Variants in RAB17 observed in about 807,000 individuals in gnomAD.
RAB17 encodes the protein RAB17, member RAS oncogene family.
Under a neutral mutation model 19.3 loss-of-function variants are expected in RAB17, and 15 were observed. The observed-to-expected ratio is 0.78, with a 90% CI of 0.52 to 1.20. The LOEUF (loss-of-function observed/expected upper bound fraction) is 1.20. Among genes scored for constraint, RAB17 ranks in the 50% most tolerant of loss-of-function variants. The pLI, the probability that RAB17 is intolerant of heterozygous loss-of-function variation, is 0.00. For synonymous variants in RAB17, 110 were observed against 112.8 expected (o/e 0.97, Z 0.16); for missense variants, 262 against 269.3 (o/e 0.97, Z 0.19).
At position 237,577,273 on chromosome 2, in the gene RAB17, C is replaced by G. The variant is rs151036390; in HGVS notation, c.419G>C (p.Arg140Pro). Residue 140 changes from arginine to proline, a missense_variant, in exon 4 of 6, where the codon CGG (arginine) becomes CCG (proline). Physicochemically the swap from Arg to Pro is moderately radical, Grantham distance 103. Transcript: ENST00000264601. Reference protein sequence around the residue: ...VGNKTDLSQEREVTFQEGKEF... With the variant: ...VGNKTDLSQEPEVTFQEGKEF... Reference sequence around the variant, plus strand: ...GGGCGGTACCTGGAAGGTCACCTCCCGCTCCTGGCTGAGGTCCGTCTTGTT... The same window carrying G: ...GGGCGGTACCTGGAAGGTCACCTCCGGCTCCTGGCTGAGGTCCGTCTTGTT... 1.4e-5 allele frequency: 23 copies of G among 1,613,304 alleles called. No homozygotes were observed. Among genetic ancestry groups the G allele is most frequent in the Non-Finnish European group, 1.9e-5 (23 of 1,179,858 alleles).
At chr2:237,577,232 C>A in intron 4 of RAB17, 25 bp downstream of exon 4, 1 of 1,598,676 alleles carries the variant, frequency 6.3e-7, no homozygotes, top group Non-Finnish European at 8.5e-7. Flanking sequence ...TGTGGAAGAG[C>A]AGAGCAGGGT....
chr2:237,577,003 C>A (rs1255443138), intron 4 of RAB17, among the ~76,000 whole-genome samples: 1 of 152,108 alleles, frequency 6.6e-6, no homozygotes, highest in Non-Finnish European at 1.5e-5. Context: ...AAAAGAGAAA[C>A]TCAGGTGGAA....
At chr2:237,578,288 A>G (rs1345440350) in intron 2 of RAB17, 133 bp from the exon 3 acceptor site, 18 of 839,714 alleles carry the variant, frequency 2.1e-5, no homozygotes, top group Middle Eastern at 2.5e-4. Context: ...CCACGCCCGC[A>G]TGGCCAGGAG....
chr2:237,584,191 C>T (rs6721200), intron 2 of RAB17, among the ~76,000 whole-genome samples: 12 of 151,836 alleles, frequency 7.9e-5, no homozygotes, highest in Non-Finnish European at 1.5e-4. Flanking sequence ...ATCACCCCCC[C>T]ACCCCCACCC....
At position 237,577,361 on chromosome 2, in the gene RAB17, G is replaced by A. The variant is rs2081273688; in HGVS notation, c.331C>T (p.Gln111Ter). Residue 111 changes from glutamine to a stop codon, truncating the protein, a stop_gained, in exon 4 of 6, where the codon CAG (glutamine) becomes TAG (stop). Transcript: ENST00000264601. LOFTEE classifies it high-confidence loss of function. The stretch of plus-strand genomic sequence containing the variant: ...TCCTCCTCCAGGTCCTTCAGCCACT[G>A]CTGAGCCTTGAGGAAGGAATCCTAG... Reference protein sequence around the residue: ...TRKDSFLKAQQWLKDLEEELH... With the variant: ...TRKDSFLKAQ The A allele has an allele frequency of 6.2e-7, 1 of 1,610,122 alleles. No individual in the cohort carries two copies. The highest frequency in any genetic ancestry group is 8.5e-7 in the Non-Finnish European group (1 of 1,177,636).
chr2:237,575,673 G>A lies in RAB17; in HGVS notation c.436-193C>T, dbSNP rs921521764. The A allele has an allele frequency of 7.2e-6, 4 of 552,186 alleles. No homozygotes were observed. In the East Asian group the frequency reaches 1.2e-4, roughly 16 times the overall value. The allele number at this position is 552,186 out of a possible 1,614,324, so 34.2% of individuals were successfully genotyped here. ...AGGGAGGGGCGGGGTGTGCTCCCTG[G>A]AAGAGGCTCTTCCTCTAGCTGGCGG... On this transcript the variant is annotated intron_variant, in intron 4 of 5. Coordinates refer to ENST00000264601, the MANE Select transcript of RAB17 (RefSeq NM_022449.4).
intron 1 of RAB17, among the ~76,000 whole-genome samples, chr2:237,586,769 T>C (rs1023284083): frequency 1.3e-5 from 2 of 152,166 alleles, no homozygotes; most frequent in African/African-American, 4.8e-5. Context: ...GAAACTTTCA[T>C]GTACACACCA....
At chr2:237,586,677 G>A (rs1372567067) in intron 1 of RAB17, among the ~76,000 whole-genome samples, 1 of 152,144 alleles carries the variant, frequency 6.6e-6, no homozygotes, top group African/African-American at 2.4e-5. Flanking sequence ...TAAAGCCTCA[G>A]AACCCACAGT....
intron 2 of RAB17, among the ~76,000 whole-genome samples, chr2:237,582,127 C>A (rs775898292): frequency 1.3e-5 from 2 of 152,278 alleles, no homozygotes; most frequent in Non-Finnish European, 2.9e-5. Context: ...TCTGCTCCTG[C>A]CTGCTCTTCT....
In RAB17 at chr2:237,586,104, G is replaced by A; in HGVS notation, c.51C>T (p.Pro17=). 1 of 1,612,576 alleles carries A rather than the reference G, an allele frequency of 6.2e-7. No homozygotes were observed. The highest frequency in any genetic ancestry group is 1.7e-5 in the Admixed American group (1 of 59,860). ...TPQPRAAPSQ[P]RVFKLVLLGS... is the part of the protein sequence containing the mutation. Reference sequence around the variant, plus strand: ...CCAGGAGAACCAGCTTGAACACACGGGGCTGGCTGGGGGCAGCCCTGGGCT... The same window carrying A: ...CCAGGAGAACCAGCTTGAACACACGAGGCTGGCTGGGGGCAGCCCTGGGCT... The change falls in exon 2 of 6, where the codon CCC becomes CCT. Residue 17 remains proline, a synonymous_variant. Coordinates refer to ENST00000264601, the MANE Select transcript of RAB17 (RefSeq NM_022449.4).
rs570142051 is a variant in RAB17 at position 237,578,149 on chromosome 2, A to C, written c.164T>G (p.Phe55Cys). 1.2e-6 allele frequency: 2 copies of C among 1,609,382 alleles called. No homozygotes were observed. The highest frequency in any genetic ancestry group is 2.2e-5 in the South Asian group (2 of 90,934). Residue 55 changes from phenylalanine (F) to cysteine (C), a missense_variant, in exon 3 of 6, where the codon TTC becomes TGC. Coordinates refer to ENST00000264601, the MANE Select transcript of RAB17 (RefSeq NM_022449.4). ...KSILPTVGCA[F>C]FTKVVDVGAT... Reference sequence around the variant, plus strand: ...ACCCACATCCACCACCTTTGTGAAGAACGCACCTGAAACAGGGAGGCCCAG... The same window carrying C: ...ACCCACATCCACCACCTTTGTGAAGCACGCACCTGAAACAGGGAGGCCCAG...
chr2:237,588,815 G>A (rs138291689), intron 1 of RAB17, among the ~76,000 whole-genome samples: 6 of 152,308 alleles, frequency 3.9e-5, no homozygotes, highest in African/African-American at 7.2e-5. Flanking sequence ...TCTGTAGCCC[G>A]AAACATGTCT....
intron 1 of RAB17, among the ~76,000 whole-genome samples, chr2:237,588,328 G>A (rs1424387220): frequency 6.6e-6 from 1 of 152,180 alleles, no homozygotes; most frequent in African/African-American, 2.4e-5. Flanking sequence ...TAGACCCCTT[G>A]GCCTTGGACT....
At chr2:237,587,066 G>A (rs1166936055) in intron 1 of RAB17, among the ~76,000 whole-genome samples, 3 of 152,052 alleles carry the variant, frequency 2.0e-5, no homozygotes, top group African/African-American at 7.2e-5. Flanking sequence ...CTGTATTTTT[G>A]ATACCGCGGT....
In RAB17 at chr2:237,574,604, C is replaced by A. The variant is rs984191919; in HGVS notation, c.*415G>T. ...ACCTCCATCTGGCCTGCTCCCCAACCCCCCAGAAGCAGGTGGGCCCAGGCT... is the reference window on the plus strand; with the variant it reads ...ACCTCCATCTGGCCTGCTCCCCAACACCCCAGAAGCAGGTGGGCCCAGGCT... On this transcript the variant is annotated 3_prime_UTR_variant, in exon 6 of 6. Transcript: ENST00000264601. The A allele has an allele frequency of 2.0e-6, 3 of 1,534,764 alleles. No homozygotes were observed. Among genetic ancestry groups the A allele is most frequent in the Middle Eastern group, 1.7e-4 (1 of 5,926 alleles).
At chr2:237,576,107 C>T (rs2081260527) in intron 4 of RAB17, among the ~76,000 whole-genome samples, 1 of 152,180 alleles carries the variant, frequency 6.6e-6, no homozygotes, top group South Asian at 2.1e-4. Context: ...GTGGTGGATC[C>T]CAGAGGGCAC....
chr2:237,582,355 C>T (rs1434763537), intron 2 of RAB17, among the ~76,000 whole-genome samples: 4 of 152,220 alleles, frequency 2.6e-5, no homozygotes, highest in African/African-American at 4.8e-5. Context: ...TGAAGGCTGA[C>T]CCCTCGGACA....
chr2:237,576,437 C>A (rs556251175), intron 4 of RAB17: 12 of 389,546 alleles, frequency 3.1e-5, no homozygotes, highest in Non-Finnish European at 4.7e-5. Context: ...CTCTCTCCCC[C>A]ACCCCAACTT....
intron 1 of RAB17, among the ~76,000 whole-genome samples, chr2:237,588,914 T>C (rs917280158): frequency 2.7e-5 from 4 of 150,450 alleles, no homozygotes; most frequent in Non-Finnish European, 5.9e-5. Flanking sequence ...ATATGTCTCT[T>C]TGTTTAATGA....
Sources: gnomAD v4.1 joint callset for allele counts (sites outside exome capture counted in the v4.1 genomes callset) on GRCh38, gnomAD v4.1.1 for gene constraint, MANE v1.5 for transcripts, NCBI Gene and HGNC (gene_info 2026-07-23, HGNC 2026-07-21) for gene names.